The following SH2D3C variants were observed in gnomAD, a reference collection of about 807,000 sequenced individuals.
SH2D3C encodes the protein SH2 domain-containing protein 3C.
In SH2D3C, 25 loss-of-function variants were observed where a neutral mutation model predicts 75.2. That is an observed-to-expected ratio of 0.33 (90% CI 0.24 to 0.46). The LOEUF is 0.46. Among genes scored for constraint, SH2D3C ranks in the 20% least tolerant of loss-of-function variants. The pLI is 1.00. For synonymous variants in SH2D3C, 450 were observed against 473.7 expected, an observed-to-expected ratio of 0.95 and a Z score of 0.65; for missense variants, 933 against 1,165.3, an observed-to-expected ratio of 0.80 and a Z score of 2.90.
In SH2D3C at chr9:127,774,613, C is replaced by G. The variant is rs1214896434; in HGVS notation, c.38-146G>C. 5.0e-6 allele frequency: 3 copies of G among 605,098 alleles called. No homozygotes were observed. Among genetic ancestry groups the G allele is most frequent in the Non-Finnish European group, 8.8e-6 (3 of 339,936 alleles). The allele number at this position is 605,098 out of a possible 1,614,324, so 37.5% of individuals were successfully genotyped here. A position where few individuals can be genotyped will look rare whatever the true frequency, so the allele number is the denominator to read the frequency against. On this transcript the variant is annotated intron_variant, in intron 1 of 11. Coordinates refer to ENST00000314830, the MANE Select transcript of SH2D3C (RefSeq NM_170600.3). This position sits in a 1 kb window ranked among gnomAD's most constrained non-coding sequence, Gnocchi z 4.3. ...ACCCCTTCTAAAATTGTTAACACGC[C>G]CCTAGAAATGGTATAAGATGGGAGC...
At chr9:127,742,726 G>A (rs372595836) in intron 8 of SH2D3C, 123 bp downstream of exon 8, 1 of 640,950 alleles carries the variant, frequency 1.6e-6, no homozygotes, top group Non-Finnish European at 2.7e-6. Context: ...AATGGGATGG[G>A]AGGCGTGGCC....
chr9:127,771,720 G>C (rs1047184458), intron 2 of SH2D3C, among the ~76,000 whole-genome samples: 9 of 152,186 alleles, frequency 5.9e-5, no homozygotes, highest in Non-Finnish European at 1.3e-4. Flanking sequence ...GGGTGTCTTA[G>C]AACGCCCCAG....
At chr9:127,771,883 T>G (rs1402135999) in intron 2 of SH2D3C, among the ~76,000 whole-genome samples, 2 of 152,246 alleles carry the variant, frequency 1.3e-5, no homozygotes, top group Admixed American at 6.5e-5. Flanking sequence ...ATTTACTGAG[T>G]GCAGCATGCC....
At chr9:127,755,087 G>A in intron 3 of SH2D3C, 2 of 1,209,498 alleles carry the variant, frequency 1.7e-6, no homozygotes, top group Non-Finnish European at 2.1e-6. Context: ...ACCTGCACCT[G>A]CACGAAGGAG....
chr9:127,750,735 A>G (rs1845177921), intron 4 of SH2D3C, among the ~76,000 whole-genome samples: 2 of 152,328 alleles, frequency 1.3e-5, no homozygotes, highest in South Asian at 4.1e-4. Flanking sequence ...TGATCTATCA[A>G]CTTAATTCTG....
In SH2D3C at chr9:127,771,575, G is replaced by T. The variant is rs550895070; in HGVS notation, c.515+2415C>A. Reference sequence around the variant, plus strand: ...CGCTTCCCCAGCAGCTCTCCGCGCAGCCTGGGGTAGGCCACGCCCCTAGAC... The same window carrying T: ...CGCTTCCCCAGCAGCTCTCCGCGCATCCTGGGGTAGGCCACGCCCCTAGAC... On this transcript the variant is annotated intron_variant, in intron 2 of 11. Transcript: ENST00000314830. 54 of 315,702 alleles carry T rather than the reference G, an allele frequency of 1.7e-4. 2 individuals carry two copies. The South Asian group carries it at 3.1e-3, about 18-fold the overall frequency. 19.6% of individuals were successfully genotyped at this position (315,702 alleles called of 1,614,324 possible).
At chr9:127,755,347 G>T in intron 3 of SH2D3C, 2 of 532,188 alleles carry the variant, frequency 3.8e-6, no homozygotes, top group Non-Finnish European at 5.4e-6. Context: ...GGCCAGGGGA[G>T]GGGAGGGGGC....
At chr9:127,740,417 GGGCCACCCTGCT>G in intron 9 of SH2D3C, 48 bp from the exon 10 acceptor site, 1 of 1,416,192 alleles carries the variant, frequency 7.1e-7, no homozygotes. Context: ...GGGCCTGCAG[GGGCCACCCTGCT>G]GCCCTGCTGA....
At chr9:127,777,145 A>G (rs1053893522) in intron 1 of SH2D3C, among the ~76,000 whole-genome samples, 4 of 151,426 alleles carry the variant, frequency 2.6e-5, no homozygotes, top group Middle Eastern at 3.3e-3. Context: ...TCGCCTCAGC[A>G]TTGCCATCTG....
intron 2 of SH2D3C, among the ~76,000 whole-genome samples, chr9:127,763,443 C>G (rs61412812): frequency 6.6e-6 from 1 of 152,080 alleles, no homozygotes; most frequent in Admixed American, 6.6e-5. Context: ...ATTAGCCGGG[C>G]GTGGCAGTGA....
rs1491460414 is a variant in SH2D3C, at chr9:127,757,642, G to GATTATTATTATTATT, written c.555+3968_555+3969insAATAATAATAATAAT. 1.5e-4 allele frequency among the ~76,000 whole-genome samples: 18 copies of GATTATTATTATTATT among 123,460 alleles called. No individual in the cohort carries two copies. The East Asian group carries it at 2.1e-3, about 14-fold the overall frequency. The allele number at this position is 123,460 out of a possible 152,430, so 81.0% of individuals were successfully genotyped here. A position where few individuals can be genotyped will look rare whatever the true frequency, so the allele number is the denominator to read the frequency against. On this transcript the variant is annotated intron_variant, in intron 3 of 11. Transcript: ENST00000314830. ...TGATGATGATGATGATGATGATGAT[G>GATTATTATTATTATT]ATGATTATTATTATTATTATTATTA...
At chr9:127,747,013 C>T in intron 6 of SH2D3C, 134 bp downstream of exon 6, 5 of 789,818 alleles carry the variant, frequency 6.3e-6, no homozygotes, top group Non-Finnish European at 1.0e-5. Flanking sequence ...TAGCAGGATT[C>T]CAGTGTCAGT....
At chr9:127,744,360 AC>A (rs908708610) in intron 7 of SH2D3C, among the ~76,000 whole-genome samples, 3 of 151,898 alleles carry the variant, frequency 2.0e-5, no homozygotes, top group Non-Finnish European at 4.4e-5. Flanking sequence ...GTGAGCTACC[AC>A]CCCCGGCCTT....
chr9:127,751,404 T>A lies in SH2D3C; in HGVS notation c.556-104A>T. The A allele has an allele frequency of 1.7e-6, 2 of 1,150,540 alleles. No individual in the cohort carries two copies. Among genetic ancestry groups the A allele is most frequent in the Non-Finnish European group, 2.5e-6 (2 of 784,640 alleles). The allele number at this position is 1,150,540 out of a possible 1,614,324, so 71.3% of individuals were successfully genotyped here. A position where few individuals can be genotyped will look rare whatever the true frequency, so the allele number is the denominator to read the frequency against. On this transcript the variant is annotated intron_variant, in intron 3 of 11. Transcript: ENST00000314830. This position sits in a 1 kb window ranked among gnomAD's most constrained non-coding sequence, Gnocchi z 4.1. ...ATGAACTCCTCCTATCCTGGGACTC[T>A]GGGAACACTAAGGCACAGGTGCCAG...
chr9:127,762,937 G>T (rs552011833), intron 2 of SH2D3C, among the ~76,000 whole-genome samples: 6 of 152,194 alleles, frequency 3.9e-5, no homozygotes, highest in Non-Finnish European at 8.8e-5. Context: ...GGCATAAATT[G>T]GCTCATCTGT....
intron 2 of SH2D3C, among the ~76,000 whole-genome samples, chr9:127,761,928 C>T (rs1221099091): frequency 3.9e-5 from 6 of 152,192 alleles, no homozygotes; most frequent in South Asian, 4.1e-4. Context: ...GGACCCAGGG[C>T]GTGATGAACA....
At chr9:127,760,967 G>A (rs1010052357) in intron 3 of SH2D3C, among the ~76,000 whole-genome samples, 1 of 152,070 alleles carries the variant, frequency 6.6e-6, no homozygotes, top group Admixed American at 6.5e-5. Flanking sequence ...AGCTTCCTGA[G>A]TAGCTGGGAT....
At position 127,754,081 on chromosome 9, in the gene SH2D3C, C is replaced by A. The variant is rs1367297541; in HGVS notation, c.556-2781G>T. 6.6e-6 allele frequency among the ~76,000 whole-genome samples: 1 copy of A among 152,172 alleles called. No individual in the cohort carries two copies. Among genetic ancestry groups the A allele is most frequent in the Non-Finnish European group, 1.5e-5 (1 of 67,990 alleles). The stretch of plus-strand genomic sequence containing the variant: ...CTAGGGTCCCTGTGCCTTGATCTCA[C>A]CTCGACCTGGGAGCCCCCAGTTCCC... On this transcript the variant is annotated intron_variant, in intron 3 of 11. Transcript: ENST00000314830. This position sits in a 1 kb window ranked among gnomAD's most constrained non-coding sequence, Gnocchi z 4.4.
At chr9:127,755,222 G>T (rs904555151) in intron 3 of SH2D3C, 3 of 1,180,986 alleles carry the variant, frequency 2.5e-6, no homozygotes, top group East Asian at 3.6e-5. Context: ...GGGCAGGGGC[G>T]CAGGGACCAA....
Sources: gnomAD v4.1 joint callset for allele counts (sites outside exome capture counted in the v4.1 genomes callset) on GRCh38, gnomAD v4.1.1 for gene constraint, Gnocchi (gnomAD v3.1) non-coding constraint, MANE v1.5 for transcripts, NCBI Gene and HGNC (gene_info 2026-07-23, HGNC 2026-07-21) for gene names.